The following TMEM268 variants were observed in gnomAD, a reference collection of about 807,000 sequenced individuals.
TMEM268 encodes transmembrane protein C9orf91.
A neutral mutation model predicts 39.1 loss-of-function variants in TMEM268; 24 were observed. That is an observed-to-expected ratio of 0.61 (90% CI 0.44 to 0.86). The LOEUF (loss-of-function observed/expected upper bound fraction) is 0.86, where lower values mean the gene tolerates loss of function less well. TMEM268 is among the 40% of genes least tolerant of loss of function. The pLI, the probability that TMEM268 is intolerant of heterozygous loss-of-function variation, is 0.00. For synonymous variants in TMEM268, 176 were observed against 173.5 expected (o/e 1.01, Z -0.12); for missense variants, 409 against 428.6 (o/e 0.95, Z 0.40).
intron 2 of TMEM268, 75 bp downstream of exon 2, chr9:114,617,376 C>G (rs1437774756): frequency 8.5e-7 from 1 of 1,183,326 alleles, no homozygotes; most frequent in African/African-American, 1.5e-5. Context: ...ACAGAAGTTC[C>G]TTTAGATAAG....
the TMEM268 span, among the ~76,000 whole-genome samples, chr9:114,606,133 A>G: frequency 6.6e-6 from 1 of 152,048 alleles, no homozygotes; most frequent in African/African-American, 2.4e-5. Context: ...AATTGCCTTC[A>G]ACTGCCCTTG....
chr9:114,627,966 A>G, intron 4 of TMEM268, 135 bp from the exon 5 acceptor site: 1 of 894,970 alleles, frequency 1.1e-6, no homozygotes, highest in East Asian at 2.5e-5. Flanking sequence ...TGACTGCATC[A>G]ATCTCTTACT....
intron 3 of TMEM268, among the ~76,000 whole-genome samples, chr9:114,626,114 C>T (rs941423146): frequency 1.3e-5 from 2 of 152,026 alleles, no homozygotes; most frequent in Non-Finnish European, 2.9e-5. Flanking sequence ...TGTGAGCCAC[C>T]GTGCCTGGCA....
At chr9:114,619,704 A>G (rs1845870671) in intron 2 of TMEM268, among the ~76,000 whole-genome samples, 1 of 152,102 alleles carries the variant, frequency 6.6e-6, no homozygotes, top group Admixed American at 6.6e-5. Flanking sequence ...CCTGTTTACA[A>G]GGGAGTTTCT....
chr9:114,621,796 G>C (rs983382198), intron 2 of TMEM268, among the ~76,000 whole-genome samples: 2 of 152,160 alleles, frequency 1.3e-5, no homozygotes, highest in African/African-American at 2.4e-5. Context: ...TGAAGGAGGC[G>C]GGTGTGGTGA....
rs1554755520 is a variant in TMEM268 at position 114,611,557 on chromosome 9, C to CGCGGGCGGT, written c.-84_-79+3dup. On this transcript the variant is annotated 5_prime_UTR_variant, in exon 1 of 9. Coordinates refer to ENST00000288502, the MANE Select transcript of TMEM268 (RefSeq NM_153045.4). ...GTGGCGGCGGCGGCGGCGGCGGCGG[C>CGCGGGCGGT]GCGGGCGGTGAGTGTGCGCGGGCCC... The CGCGGGCGGT allele has an allele frequency of 4.2e-5, 7 of 167,644 alleles. No individual in the cohort carries two copies. Among genetic ancestry groups the CGCGGGCGGT allele is most frequent in the Non-Finnish European group, 8.5e-5 (7 of 82,714 alleles). 10.4% of individuals were successfully genotyped at this position (167,644 alleles called of 1,614,324 possible).
chr9:114,633,938 A>T, intron 6 of TMEM268, 60 bp downstream of exon 6: 1 of 943,594 alleles, frequency 1.1e-6, no homozygotes. Flanking sequence ...GCTAATGGAG[A>T]GCAGTGGCCT....
chr9:114,610,485 A>G (rs1008558302), upstream of TMEM268, among the ~76,000 whole-genome samples: 2 of 152,260 alleles, frequency 1.3e-5, no homozygotes, highest in Non-Finnish European at 2.9e-5. Context: ...CGAATGAAAA[A>G]GCAGAGTGCC....
At chr9:114,633,679 G>A (rs1226076993) in intron 5 of TMEM268, 89 bp from the exon 6 acceptor site, 1 of 614,534 alleles carries the variant, frequency 1.6e-6, no homozygotes, top group Non-Finnish European at 2.8e-6. Flanking sequence ...TGGCATCTGG[G>A]GGTGGGATGG....
the TMEM268 span, among the ~76,000 whole-genome samples, chr9:114,604,635 T>C: frequency 6.6e-6 from 1 of 151,066 alleles, no homozygotes; most frequent in Non-Finnish European, 1.5e-5. Flanking sequence ...CAAGCCATTG[T>C]GTAACCTTGT....
rs1845761557 is a variant in TMEM268 at position 114,617,274 on chromosome 9, G to A, written c.79G>A (p.Gly27Arg). 6.2e-7 allele frequency: 1 copy of A among 1,613,406 alleles called. No homozygotes were observed. Among genetic ancestry groups the A allele is most frequent in the Non-Finnish European group, 8.5e-7 (1 of 1,179,578 alleles). The change falls in exon 2 of 9, where the codon GGA becomes AGA. Residue 27 changes from glycine (G) to arginine (R), a missense_variant. Coordinates refer to ENST00000288502, the MANE Select transcript of TMEM268 (RefSeq NM_153045.4). ...PSSPGWSALP[G>R]GSPPGWGQEL... Reference sequence around the variant, plus strand: ...CTCCCCTGGCTGGAGTGCCCTGCCTGGAGGGAGCCCTCCTGGCTGGGGGCA... The same window carrying A: ...CTCCCCTGGCTGGAGTGCCCTGCCTAGAGGGAGCCCTCCTGGCTGGGGGCA...
intron 1 of TMEM268, among the ~76,000 whole-genome samples, chr9:114,612,703 A>G (rs1406163975): frequency 1.3e-5 from 2 of 152,154 alleles, no homozygotes; most frequent in Non-Finnish European, 2.9e-5. Context: ...TGCCAAGCCC[A>G]GGAGCCTCCT....
At chr9:114,628,400 A>G in intron 5 of TMEM268, 150 bp downstream of exon 5, 1 of 802,654 alleles carries the variant, frequency 1.2e-6, no homozygotes, top group Non-Finnish European at 1.9e-6. Context: ...AAGAAATCAA[A>G]TTGTGTATGT....
At chr9:114,629,521 T>G (rs557229304) in intron 5 of TMEM268, among the ~76,000 whole-genome samples, 34 of 152,374 alleles carry the variant, frequency 2.2e-4, no homozygotes, top group African/African-American at 7.2e-4. Context: ...AATCTCCTAA[T>G]TTTAAGGTCA....
At chr9:114,641,995 C>A (rs1025547776) in intron 8 of TMEM268, among the ~76,000 whole-genome samples, 2 of 151,950 alleles carry the variant, frequency 1.3e-5, no homozygotes, top group Admixed American at 1.3e-4. Flanking sequence ...TTTTTTAATC[C>A]TTTTTTACTT....
chr9:114,641,944 T>C (rs1429865358), intron 8 of TMEM268, among the ~76,000 whole-genome samples: 4 of 152,100 alleles, frequency 2.6e-5, no homozygotes, highest in Non-Finnish European at 5.9e-5. Flanking sequence ...CCGGCTGTAC[T>C]GTGTCTTTAA....
intron 2 of TMEM268, among the ~76,000 whole-genome samples, chr9:114,618,176 C>G (rs1278648056): frequency 1.3e-5 from 2 of 152,058 alleles, no homozygotes; most frequent in Non-Finnish European, 2.9e-5. Flanking sequence ...CACACCTGGC[C>G]CCAGATATCT....
At chr9:114,609,487 A>G (rs1845410566), upstream of TMEM268, among the ~76,000 whole-genome samples, 2 of 151,920 alleles carry the variant, frequency 1.3e-5, no homozygotes, top group African/African-American at 4.8e-5. Context: ...GGGGAAACAT[A>G]GTAAGACCCT....
In TMEM268 at chr9:114,611,580, C is replaced by G. The variant is rs554821765; in HGVS notation, c.-79+16C>G. On this transcript the variant is annotated intron_variant, in intron 1 of 8. Transcript: ENST00000288502. ...GGCGCGGGCGGTGAGTGTGCGCGGG[C>G]CCGGGCGCGCGCCCGTGTCCTGCGA... 94 of 157,894 alleles carry G rather than the reference C, an allele frequency of 6.0e-4. No individual in the cohort carries two copies. The highest frequency in any genetic ancestry group is 1.0e-3 in the Non-Finnish European group (75 of 73,868). The allele number at this position is 157,894 out of a possible 1,614,324, so 9.8% of individuals were successfully genotyped here. A position where few individuals can be genotyped will look rare whatever the true frequency, so the allele number is the denominator to read the frequency against.
Sources: allele counts gnomAD v4.1 joint callset (sites outside exome capture counted in the v4.1 genomes callset), GRCh38; gene constraint gnomAD v4.1.1; transcripts MANE v1.5; gene names NCBI Gene and HGNC (gene_info 2026-07-23, HGNC 2026-07-21).